The following CNTN5 variants were observed in gnomAD, a reference collection of about 807,000 sequenced individuals.
CNTN5 encodes the protein contactin-5.
A neutral mutation model predicts 129.1 loss-of-function variants in CNTN5; 77 were observed. The ratio of observed to expected loss-of-function variants is 0.60; its 90% CI spans 0.50 to 0.72. The LOEUF (loss-of-function observed/expected upper bound fraction) is 0.72. CNTN5 is among the 30% of genes least tolerant of loss of function. The pLI is 0.00. For synonymous variants in CNTN5, 509 were observed against 465.6 expected, an observed-to-expected ratio of 1.09 and a Z score of -1.20; for missense variants, 1,478 against 1,328.8, an observed-to-expected ratio of 1.11 and a Z score of -1.75.
chr11:99,408,448 G>GAAAGAGAAAGAAAGAAAGAA (rs71305322), intron 2 of CNTN5, among the ~76,000 whole-genome samples: 204 of 78,100 alleles, frequency 2.6e-3, no homozygotes, highest in African/African-American at 5.4e-3. Flanking sequence ...AAGAAAGAAA[G>GAAAGAGAAAGAAAGAAAGAA]AGAAAGAAAG....
chr11:99,611,002 G>C (rs1344095203), intron 3 of CNTN5, among the ~76,000 whole-genome samples: 1 of 152,150 alleles, frequency 6.6e-6, no homozygotes, highest in Admixed American at 6.6e-5. Context: ...TAATGTAGTT[G>C]AGCCTTCATG....
intron 13 of CNTN5, among the ~76,000 whole-genome samples, chr11:100,184,515 C>G (rs1420700749): frequency 4.6e-5 from 7 of 152,158 alleles, no homozygotes; most frequent in African/African-American, 1.2e-4. Context: ...CAGTATCCAG[C>G]TGACAGACAG....
Position 99,246,988 on chromosome 11 carries a change from G to T in CNTN5, c.-209-78358G>T, listed in dbSNP as rs544794679. On this transcript the variant is annotated intron_variant, in intron 1 of 24. Coordinates refer to ENST00000524871, the MANE Select transcript of CNTN5 (RefSeq NM_014361.4). Reference sequence around the variant, plus strand: ...CCTTTAAAATGCTACTTTCATTAAGGATTAATATTGACAGAAGTTTATAGC... The same window carrying T: ...CCTTTAAAATGCTACTTTCATTAAGTATTAATATTGACAGAAGTTTATAGC... Among the ~76,000 whole-genome samples the T allele has an allele frequency of 3.3e-5, 5 of 152,174 alleles. 1 individual carries two copies. In the South Asian group the frequency reaches 1.0e-3, roughly 32 times the overall value.
chr11:99,441,528 A>T (rs1047851403), intron 2 of CNTN5, among the ~76,000 whole-genome samples: 1 of 152,092 alleles, frequency 6.6e-6, no homozygotes, highest in Non-Finnish European at 1.5e-5. Flanking sequence ...TATTTCCTCC[A>T]ATGTGAAACT....
chr11:99,892,900 T>A (rs1949102269), intron 6 of CNTN5, among the ~76,000 whole-genome samples: 1 of 152,208 alleles, frequency 6.6e-6, no homozygotes, highest in Non-Finnish European at 1.5e-5. Context: ...CAGCATTGAA[T>A]CTATAAATAA....
intron 2 of CNTN5, among the ~76,000 whole-genome samples, chr11:99,486,307 T>C (rs1360206444): frequency 1.3e-5 from 2 of 152,108 alleles, no homozygotes; most frequent in East Asian, 3.8e-4. Flanking sequence ...TTATGCATTA[T>C]ACTTTTGTCT....
chr11:99,263,719 T>C (rs1862753175), intron 1 of CNTN5, among the ~76,000 whole-genome samples: 1 of 152,012 alleles, frequency 6.6e-6, no homozygotes, highest in Non-Finnish European at 1.5e-5. Flanking sequence ...GGGGTTCAAG[T>C]GGTTCTCCCA....
At chr11:100,304,175 T>A (rs1951292757) in intron 20 of CNTN5, among the ~76,000 whole-genome samples, 1 of 151,538 alleles carries the variant, frequency 6.6e-6, no homozygotes, top group Admixed American at 6.6e-5. Context: ...GAAACAAACG[T>A]ATCAATCAAC....
At chr11:100,341,437 A>G (rs915848650) in intron 23 of CNTN5, among the ~76,000 whole-genome samples, 10 of 152,194 alleles carry the variant, frequency 6.6e-5, no homozygotes, top group Non-Finnish European at 1.0e-4. Flanking sequence ...AGTAGCGACA[A>G]TCTGAATGTA....
At chr11:99,342,571 C>CTAAA (rs1866562853) in intron 2 of CNTN5, among the ~76,000 whole-genome samples, 1 of 24,492 alleles carries the variant, frequency 4.1e-5, no homozygotes. Context: ...CCCGTTATCT[C>CTAAA]AAAAAAAAAA....
intron 1 of CNTN5, chr11:99,120,124 T>G (rs1321082009): frequency 2.6e-5 from 4 of 152,228 alleles, no homozygotes; most frequent in Admixed American, 6.5e-5. Flanking sequence ...CTCTTTAGTT[T>G]AATTAGATCC....
intron 15 of CNTN5, among the ~76,000 whole-genome samples, chr11:100,220,497 G>A (rs1949241167): frequency 6.6e-6 from 1 of 151,936 alleles, no homozygotes; most frequent in South Asian, 2.1e-4. Flanking sequence ...AAGGATGTGA[G>A]GAATATTTAT....
intron 1 of CNTN5, among the ~76,000 whole-genome samples, chr11:99,288,009 C>T (rs376493579): frequency 2.0e-5 from 3 of 151,972 alleles, no homozygotes; most frequent in African/African-American, 7.2e-5. Flanking sequence ...CTCCTCTTCA[C>T]TTTGGTATGT....
chr11:99,141,200 G>GT (rs996015728), intron 1 of CNTN5, among the ~76,000 whole-genome samples: 4 of 151,906 alleles, frequency 2.6e-5, no homozygotes, highest in Admixed American at 2.0e-4. Context: ...CAAGGTTTCA[G>GT]TTTTTTTATT....
intron 2 of CNTN5, among the ~76,000 whole-genome samples, chr11:99,406,401 C>A (rs1942068159): frequency 7.9e-6 from 1 of 127,280 alleles, no homozygotes; most frequent in Non-Finnish European, 1.6e-5. Context: ...CAAACAGAGT[C>A]TCTCTCTCTC....
chr11:100,091,394 A>G (rs1047836329), intron 13 of CNTN5, among the ~76,000 whole-genome samples: 1 of 145,038 alleles, frequency 6.9e-6, no homozygotes, highest in African/African-American at 2.6e-5. Flanking sequence ...ACACTCTGCA[A>G]TGTTCTTTTT....
chr11:99,504,368 C>A (rs1189146720), intron 2 of CNTN5, among the ~76,000 whole-genome samples: 3 of 151,588 alleles, frequency 2.0e-5, no homozygotes, highest in African/African-American at 7.3e-5. Flanking sequence ...CGGTGAAACC[C>A]CGTCTCTACT....
chr11:99,189,730 T>G (rs1208385787), intron 1 of CNTN5, among the ~76,000 whole-genome samples: 2 of 151,670 alleles, frequency 1.3e-5, no homozygotes, highest in African/African-American at 4.8e-5. Context: ...AAATATGTAT[T>G]CTAGTCCACA....
At chr11:99,900,375 A>C (rs1949323482) in intron 6 of CNTN5, among the ~76,000 whole-genome samples, 2 of 152,012 alleles carry the variant, frequency 1.3e-5, no homozygotes, top group African/African-American at 4.8e-5. Flanking sequence ...CTGGAAAAAA[A>C]ACACATTTGA....
Sources: gnomAD v4.1 joint callset for allele counts (sites outside exome capture counted in the v4.1 genomes callset) on GRCh38, gnomAD v4.1.1 for gene constraint, MANE v1.5 for transcripts, NCBI Gene and HGNC (gene_info 2026-07-23, HGNC 2026-07-21) for gene names.